Variants in TLE1 observed in about 807,000 individuals in gnomAD.
The protein encoded by TLE1 is transducin-like enhancer protein 1.
In TLE1, 21 loss-of-function variants were observed where a neutral mutation model predicts 89.8. The ratio of observed to expected loss-of-function variants is 0.23; its 90% CI spans 0.17 to 0.34. The LOEUF (loss-of-function observed/expected upper bound fraction) is 0.34, where lower values mean the gene tolerates loss of function less well. TLE1 is among the 10% of genes least tolerant of loss of function. The probability of loss-of-function intolerance (pLI) is 1.00; values close to 1 mark genes in which losing one functional copy is unlikely to be tolerated. For missense variants in TLE1, 795 were observed against 1,031.2 expected, an observed-to-expected ratio of 0.77 and a Z score of 3.14; for synonymous variants, 447 against 407.6, an observed-to-expected ratio of 1.10 and a Z score of -1.16.
chr9:81,627,234 A>T (rs1335479618), intron 8 of TLE1, among the ~76,000 whole-genome samples: 1 of 152,204 alleles, frequency 6.6e-6, no homozygotes, highest in Admixed American at 6.5e-5. Flanking sequence ...AAAGAAAAAA[A>T]CCTGCTCACA....
chr9:81,622,899 C>G (rs552426074), intron 8 of TLE1, among the ~76,000 whole-genome samples: 1 of 152,130 alleles, frequency 6.6e-6, no homozygotes. Context: ...ACGCAGCTGC[C>G]GGACGCCCGG....
At chr9:81,587,623 G>A in intron 17 of TLE1, 58 bp downstream of exon 17, 1 of 1,540,992 alleles carries the variant, frequency 6.5e-7, no homozygotes. Context: ...GTTGTGAGGA[G>A]GAAGACACAC....
At position 81,611,858 on chromosome 9, in the gene TLE1, C is replaced by A. The variant is rs556195256; in HGVS notation, c.1165G>T (p.Ala389Ser). The A allele has an allele frequency of 3.8e-6, 6 of 1,561,106 alleles. No individual in the cohort carries two copies. In the South Asian group the frequency reaches 5.9e-5, roughly 15 times the overall value. Residue 389 changes from alanine (A) to serine (S), a missense_variant, in exon 13 of 20, where the codon GCT becomes TCT. Physicochemically the swap from Ala to Ser is moderately conservative, Grantham distance 99. Transcript: ENST00000376499. ...GMNGELTSPG[A>S]AYASLHNMSP... Reference sequence around the variant, plus strand: ...ATGTTGTGTAAACTGGCGTAGGCAGCGCCTGGGCTGGTCAGCTCGCCGTTC... The same window carrying A: ...ATGTTGTGTAAACTGGCGTAGGCAGAGCCTGGGCTGGTCAGCTCGCCGTTC...
At chr9:81,631,405 C>G (rs1006870002) in intron 8 of TLE1, among the ~76,000 whole-genome samples, 1 of 152,232 alleles carries the variant, frequency 6.6e-6, no homozygotes, top group African/African-American at 2.4e-5. Flanking sequence ...CCTGGCATTT[C>G]AGAGAGGCAC....
intron 8 of TLE1, among the ~76,000 whole-genome samples, chr9:81,626,828 T>C (rs1388273408): frequency 6.6e-6 from 1 of 152,142 alleles, no homozygotes; most frequent in African/African-American, 2.4e-5. Context: ...CTGGCCCTTC[T>C]ACCCTCCTCC....
intron 14 of TLE1, among the ~76,000 whole-genome samples, chr9:81,607,956 AT>A (rs1420609094): frequency 1.3e-5 from 2 of 152,252 alleles, no homozygotes; most frequent in African/African-American, 2.4e-5. Flanking sequence ...TGAAACAGAT[AT>A]TATAATATAT....
intron 4 of TLE1, among the ~76,000 whole-genome samples, chr9:81,660,943 A>ACG (rs1830696184): frequency 1.2e-5 from 1 of 86,700 alleles, no homozygotes; most frequent in Admixed American, 1.1e-4. Context: ...AAACACACAC[A>ACG]CACACACACA....
At chr9:81,666,635 C>CGTG (rs1373920251) in intron 4 of TLE1, among the ~76,000 whole-genome samples, 5 of 151,692 alleles carry the variant, frequency 3.3e-5, no homozygotes, top group Admixed American at 3.3e-4. Context: ...ATTAGCCAGG[C>CGTG]GTGGTGGTGC....
At chr9:81,634,471 G>A (rs1339799523) in intron 6 of TLE1, among the ~76,000 whole-genome samples, 170 bp from the exon 7 acceptor site, 5 of 144,090 alleles carry the variant, frequency 3.5e-5, no homozygotes, top group Non-Finnish European at 7.5e-5. Context: ...AGAGAGGGAG[G>A]AAAGGGGAAA....
At chr9:81,587,381 G>A (rs1008725639) in intron 17 of TLE1, among the ~76,000 whole-genome samples, 1 of 152,148 alleles carries the variant, frequency 6.6e-6, no homozygotes, top group African/African-American at 2.4e-5. Context: ...AAACACTGCT[G>A]AAGGAAAACT....
chr9:81,583,998 C>T lies in TLE1; in HGVS notation c.*200G>A, dbSNP rs1478927386. ...CTCTGTCCGCTTGGCCTTGGTGCTC[C>T]ATTTGGTCTATGTAGACAGGTGACT... On this transcript the variant is annotated 3_prime_UTR_variant, in exon 20 of 20. Coordinates refer to ENST00000376499, the MANE Select transcript of TLE1 (RefSeq NM_005077.5). 1.8e-6 allele frequency: 1 copy of T among 568,600 alleles called. No individual in the cohort carries two copies. 35.2% of individuals were successfully genotyped at this position (568,600 alleles called of 1,614,324 possible). A position where few individuals can be genotyped will look rare whatever the true frequency, so the allele number is the denominator to read the frequency against.
At chr9:81,679,220 AT>A (rs1833292048) in intron 4 of TLE1, among the ~76,000 whole-genome samples, 1 of 152,200 alleles carries the variant, frequency 6.6e-6, no homozygotes, top group Admixed American at 6.5e-5. Flanking sequence ...ATAAAATCAT[AT>A]ATCAACACTT....
intron 4 of TLE1, among the ~76,000 whole-genome samples, chr9:81,681,387 C>A (rs1224671823): frequency 2.0e-5 from 3 of 151,860 alleles, no homozygotes; most frequent in Non-Finnish European, 4.4e-5. Flanking sequence ...CCCATCTCTA[C>A]TAAAAATAAA....
At chr9:81,612,506 A>G in intron 12 of TLE1, 1 of 293,060 alleles carries the variant, frequency 3.4e-6, no homozygotes, top group Non-Finnish European at 5.1e-6. Flanking sequence ...TCAGGTTGCA[A>G]ATTATGAGTT....
intron 4 of TLE1, among the ~76,000 whole-genome samples, chr9:81,679,258 G>A (rs1013666894): frequency 2.0e-5 from 3 of 151,680 alleles, no homozygotes; most frequent in African/African-American, 7.3e-5. Flanking sequence ...AAAATATTAC[G>A]GTGACTGGGT....
intron 8 of TLE1, among the ~76,000 whole-genome samples, chr9:81,621,437 T>G (rs568608797): frequency 6.6e-6 from 1 of 152,276 alleles, no homozygotes; most frequent in East Asian, 1.9e-4. Context: ...CAGTGATGTG[T>G]TACTGCCCTG....
chr9:81,656,257 A>ATG (rs34294805), intron 4 of TLE1, among the ~76,000 whole-genome samples: 17,242 of 152,178 alleles, frequency 0.11, 1,305 homozygotes, highest in Non-Finnish European at 0.17. Flanking sequence ...CCTCGAAAGC[A>ATG]TGGGCAAGGC....
chr9:81,679,304 CTTT>C (rs56022025), intron 4 of TLE1, among the ~76,000 whole-genome samples: 1 of 151,542 alleles, frequency 6.6e-6, no homozygotes, highest in South Asian at 2.1e-4. Context: ...TTTTTCTTCA[CTTT>C]TTTTTCTTTT....
chr9:81,656,389 A>G (rs1830149686), intron 4 of TLE1, among the ~76,000 whole-genome samples: 3 of 152,210 alleles, frequency 2.0e-5, no homozygotes. Flanking sequence ...ACATTCCTGC[A>G]ACACTCTGTA....
Sources: gnomAD v4.1 joint callset for allele counts (sites outside exome capture counted in the v4.1 genomes callset) on GRCh38, gnomAD v4.1.1 for gene constraint, MANE v1.5 for transcripts, NCBI Gene and HGNC (gene_info 2026-07-23, HGNC 2026-07-21) for gene names.